The following NRG3 variants were observed in gnomAD, a reference collection of about 807,000 sequenced individuals.
The protein encoded by NRG3 is neuregulin 3.
Under a neutral mutation model 66.9 loss-of-function variants are expected in NRG3, and 31 were observed. That is an observed-to-expected ratio of 0.46 (90% CI 0.35 to 0.63). The LOEUF (loss-of-function observed/expected upper bound fraction) is 0.63. Ranked by LOEUF, NRG3 falls within the 20% of genes least tolerant of loss-of-function variation. The pLI is 0.00. For synonymous variants in NRG3, 393 were observed against 359.4 expected (o/e 1.09, Z -1.06); for missense variants, 910 against 878.9 (o/e 1.04, Z -0.45).
At chr10:82,525,303 CT>C (rs972399928) in intron 2 of NRG3, among the ~76,000 whole-genome samples, 4 of 151,814 alleles carry the variant, frequency 2.6e-5, no homozygotes, top group African/African-American at 9.7e-5. Context: ...CAAATTTTAA[CT>C]TTGTTTTTCT....
At chr10:82,210,922 T>TAAAAAA (rs34245469) in intron 1 of NRG3, among the ~76,000 whole-genome samples, 4 of 132,106 alleles carry the variant, frequency 3.0e-5, no homozygotes, top group African/African-American at 1.1e-4. Context: ...TGGAACTTGG[T>TAAAAAA]AAAAAAAAAA....
At chr10:82,103,440 T>C (rs2066880812) in intron 1 of NRG3, among the ~76,000 whole-genome samples, 1 of 152,176 alleles carries the variant, frequency 6.6e-6, no homozygotes, top group South Asian at 2.1e-4. Flanking sequence ...GGACTGTGAG[T>C]GTTGTCTCAC....
intron 3 of NRG3, among the ~76,000 whole-genome samples, chr10:82,831,967 C>A (rs1441057899): frequency 6.6e-6 from 1 of 152,068 alleles, no homozygotes; most frequent in Non-Finnish European, 1.5e-5. Context: ...TAGGAGCAGA[C>A]CTCTTTCACA....
intron 1 of NRG3, among the ~76,000 whole-genome samples, chr10:82,306,110 T>G (rs1284288954): frequency 6.6e-6 from 1 of 152,228 alleles, no homozygotes; most frequent in Non-Finnish European, 1.5e-5. Context: ...TTACCTAATA[T>G]TCCTTCTTGA....
At chr10:82,617,139 A>G (rs1454931274) in intron 2 of NRG3, among the ~76,000 whole-genome samples, 1 of 151,928 alleles carries the variant, frequency 6.6e-6, no homozygotes, top group Non-Finnish European at 1.5e-5. Context: ...ACATACATGC[A>G]CACACACACC....
At chr10:82,426,597 AATTATTATT>A (rs142603787) in intron 2 of NRG3, among the ~76,000 whole-genome samples, 7,953 of 132,490 alleles carry the variant, frequency 0.06, 299 homozygotes, top group African/African-American at 0.088. Context: ...TCCTCAATGG[AATTATTATT>A]ATTATTATTA....
chr10:82,259,664 A>T (rs555017984), intron 1 of NRG3, among the ~76,000 whole-genome samples: 1 of 152,322 alleles, frequency 6.6e-6, no homozygotes, highest in South Asian at 2.1e-4. Context: ...GTGGTGGCTC[A>T]TGCCTGTAAT....
At chr10:82,810,902 G>A (rs1051735365) in intron 3 of NRG3, among the ~76,000 whole-genome samples, 7 of 152,108 alleles carry the variant, frequency 4.6e-5, no homozygotes, top group Admixed American at 4.6e-4. Flanking sequence ...TAATGGGTAT[G>A]TCATACATTT....
intron 2 of NRG3, among the ~76,000 whole-genome samples, chr10:82,497,539 C>T (rs976168681): frequency 1.3e-5 from 2 of 152,150 alleles, no homozygotes; most frequent in African/African-American, 4.8e-5. Context: ...TTACAAATGG[C>T]AGAATCTTCT....
chr10:82,740,113 T>C (rs1455245998), intron 3 of NRG3, among the ~76,000 whole-genome samples: 1 of 148,126 alleles, frequency 6.8e-6, no homozygotes, highest in Non-Finnish European at 1.5e-5. Flanking sequence ...TTCATTATTT[T>C]GTCTCCTTTA....
chr10:82,049,322 C>T (rs1179147897), intron 1 of NRG3, among the ~76,000 whole-genome samples: 1 of 152,032 alleles, frequency 6.6e-6, no homozygotes, highest in African/African-American at 2.4e-5. Context: ...TCATTTTCAC[C>T]TTGTGTGTTT....
chr10:82,504,173 ACT>A (rs1488630844), intron 2 of NRG3, among the ~76,000 whole-genome samples: 2 of 152,000 alleles, frequency 1.3e-5, no homozygotes, highest in Admixed American at 6.6e-5. Context: ...GGTTTCTATA[ACT>A]CTGTGCCCTT....
chr10:82,184,296 T>G (rs2073648717), intron 1 of NRG3, among the ~76,000 whole-genome samples: 1 of 152,148 alleles, frequency 6.6e-6, no homozygotes, highest in Admixed American at 6.6e-5. Context: ...ATAAATGGAC[T>G]CAAGAAAATA....
chr10:82,346,656 G>T (rs1173532922), intron 1 of NRG3, among the ~76,000 whole-genome samples: 1 of 150,820 alleles, frequency 6.6e-6, no homozygotes, highest in Admixed American at 6.6e-5. Flanking sequence ...GTTCCTCCTT[G>T]TACCTCTGGT....
chr10:81,979,221 C>T (rs2133444443), intron 1 of NRG3, among the ~76,000 whole-genome samples: 1 of 150,226 alleles, frequency 6.7e-6, no homozygotes, highest in South Asian at 2.1e-4. Context: ...AATTTCCTGT[C>T]TGTCTGAATT....
intron 1 of NRG3, among the ~76,000 whole-genome samples, chr10:82,293,925 A>AT (rs1426878211): frequency 2.7e-4 from 30 of 109,300 alleles, no homozygotes; most frequent in South Asian, 2.4e-4. Context: ...ATATTTTTGC[A>AT]ATTTTTTTTT....
chr10:82,354,676 G>C (rs2083665877), intron 1 of NRG3, among the ~76,000 whole-genome samples: 1 of 152,146 alleles, frequency 6.6e-6, no homozygotes, highest in Non-Finnish European at 1.5e-5. Flanking sequence ...ATGGATGTGA[G>C]CCACCGCGCT....
chr10:82,094,900 G>A (rs1486638623), intron 1 of NRG3, among the ~76,000 whole-genome samples: 1 of 152,174 alleles, frequency 6.6e-6, no homozygotes, highest in African/African-American at 2.4e-5. Context: ...GTGAGAGGGA[G>A]TTGAGGGCTG....
At chr10:82,853,366 T>C (rs952455087) in intron 3 of NRG3, among the ~76,000 whole-genome samples, 1 of 152,214 alleles carries the variant, frequency 6.6e-6, no homozygotes, top group African/African-American at 2.4e-5. Context: ...GCATTGAATT[T>C]GTAGATTGCT....
Sources: allele counts gnomAD v4.1 joint callset (sites outside exome capture counted in the v4.1 genomes callset), GRCh38; gene constraint gnomAD v4.1.1; transcripts MANE v1.5; gene names NCBI Gene and HGNC (gene_info 2026-07-23, HGNC 2026-07-21).